Variants in IL1RAPL1 observed in about 807,000 individuals in gnomAD.
The protein encoded by IL1RAPL1 is interleukin 1 receptor accessory protein like 1.
Under a neutral mutation model 48.4 loss-of-function variants are expected in IL1RAPL1, and 3 were observed. The ratio of observed to expected loss-of-function variants is 0.06; its 90% confidence interval spans 0.03 to 0.16. The LOEUF is 0.16. Among genes scored for constraint, IL1RAPL1 ranks in the 10% least tolerant of loss-of-function variants. The pLI, the probability that IL1RAPL1 is intolerant of heterozygous loss-of-function variation, is 1.00. For synonymous variants in IL1RAPL1, 185 were observed against 187.7 expected (o/e 0.99, Z 0.12); for missense variants, 349 against 530.6 (o/e 0.66, Z 3.36).
At chrX:29,047,715 A>G (rs755312662) in intron 2 of IL1RAPL1, among the ~76,000 whole-genome samples, 1 of 88,660 alleles carries the variant, frequency 1.1e-5, no homozygotes, top group African/African-American at 4.7e-5. Context: ...TAACCATTCA[A>G]TATAAATTCA....
intron 3 of IL1RAPL1, among the ~76,000 whole-genome samples, chrX:29,347,159 T>G (rs1933161249): frequency 9.0e-6 from 1 of 110,985 alleles, no homozygotes; most frequent in Non-Finnish European, 1.9e-5. Flanking sequence ...GAACCTGATT[T>G]TGTCAAATGG....
chrX:29,369,057 T>G (rs1411983776), intron 3 of IL1RAPL1: 1 of 112,045 alleles, frequency 8.9e-6, no homozygotes, highest in Non-Finnish European at 1.9e-5. Flanking sequence ...CATAGCTGCC[T>G]GAAGCTACAG....
chrX:29,020,509 G>A (rs1264741291), intron 2 of IL1RAPL1, among the ~76,000 whole-genome samples: 2 of 112,231 alleles, frequency 1.8e-5, no homozygotes, highest in East Asian at 2.8e-4. Flanking sequence ...ATGCCCTGTC[G>A]CATTGTGTAA....
intron 2 of IL1RAPL1, among the ~76,000 whole-genome samples, chrX:29,177,043 C>A (rs895313595): frequency 1.8e-5 from 2 of 111,124 alleles, no homozygotes; most frequent in Admixed American, 9.6e-5. Context: ...AAGGCTGGCC[C>A]CAGAGGAACT....
At chrX:29,581,546 G>A (rs1922960378) in intron 5 of IL1RAPL1, among the ~76,000 whole-genome samples, 1 of 111,983 alleles carries the variant, frequency 8.9e-6, no homozygotes, top group Non-Finnish European at 1.9e-5. Context: ...TATTATTGTT[G>A]AGATTTTTAA....
In IL1RAPL1 at chrX:29,011,308, A is replaced by G. The variant is rs113852904; in HGVS notation, c.82+221883A>G. ...CCAAGAGAAACGAAAGCATATGTCT[A>G]TCCAGAGTTGTACATGAATGAACAT... is the stretch of plus-strand genomic sequence containing the variant. On this transcript the variant is annotated intron_variant, in intron 2 of 10. Transcript: ENST00000378993. Among the ~76,000 whole-genome samples, 761 of 112,431 alleles carry G rather than the reference A, an allele frequency of 6.8e-3. 9 individuals carry two copies. Among genetic ancestry groups the G allele is most frequent in the African/African-American group, 0.023 (725 of 31,013 alleles).
At chrX:29,094,837 TA>T (rs143227525) in intron 2 of IL1RAPL1, among the ~76,000 whole-genome samples, 1,150 of 69,193 alleles carry the variant, frequency 0.017, 28 homozygotes, top group African/African-American at 0.045. Context: ...ACCTAAAAAC[TA>T]AAAAAAAAAA....
At chrX:29,490,681 C>T (rs1935146849) in intron 5 of IL1RAPL1, among the ~76,000 whole-genome samples, 1 of 110,735 alleles carries the variant, frequency 9.0e-6, no homozygotes, top group Admixed American at 9.6e-5. Context: ...TAACCTTTTT[C>T]TTTTATTATT....
intron 5 of IL1RAPL1, among the ~76,000 whole-genome samples, chrX:29,510,092 A>G (rs1465700260): frequency 8.9e-6 from 1 of 112,416 alleles, no homozygotes; most frequent in East Asian, 2.8e-4. Flanking sequence ...GGATTTCTGC[A>G]TATTGGCTTA....
chrX:28,868,540 G>T (rs1922133646), intron 2 of IL1RAPL1, among the ~76,000 whole-genome samples: 1 of 110,452 alleles, frequency 9.1e-6, no homozygotes, highest in Admixed American at 9.7e-5. Context: ...CTTCAACATG[G>T]TACTCCTTGC....
At chrX:29,634,852 A>T (rs777952615) in intron 5 of IL1RAPL1, among the ~76,000 whole-genome samples, 1 of 112,171 alleles carries the variant, frequency 8.9e-6, no homozygotes, top group Non-Finnish European at 1.9e-5. Context: ...GAGTGTACAG[A>T]TAAAACGAAC....
At chrX:29,255,422 CAAAT>C (rs1404227229) in intron 2 of IL1RAPL1, among the ~76,000 whole-genome samples, 2 of 109,826 alleles carry the variant, frequency 1.8e-5, no homozygotes, top group Non-Finnish European at 3.8e-5. Context: ...TAAAATGTCT[CAAAT>C]AAACTCTTAT....
At chrX:29,030,642 A>G (rs1470504762) in intron 2 of IL1RAPL1, among the ~76,000 whole-genome samples, 1 of 111,779 alleles carries the variant, frequency 8.9e-6, no homozygotes, top group Admixed American at 9.5e-5. Context: ...CAAATCTCCT[A>G]TCAGGGAAAT....
In IL1RAPL1 at chrX:29,792,637, C is replaced by T. The variant is rs1361346126; in HGVS notation, c.778+124133C>T. 2.7e-5 allele frequency among the ~76,000 whole-genome samples: 3 copies of T among 111,347 alleles called. No homozygotes were observed. The East Asian group carries it at 8.5e-4, about 32-fold the overall frequency. ...ATCTAAAATACAGGCAGAAGAGCCA[C>T]CTGGAGGGTGGGGACCATTCGGAAA... On this transcript the variant is annotated intron_variant, in intron 6 of 10. Coordinates refer to ENST00000378993, the MANE Select transcript of IL1RAPL1 (RefSeq NM_014271.4).
intron 2 of IL1RAPL1, 98 bp from the exon 3 acceptor site, chrX:29,282,840 C>T (rs1420998281): frequency 6.8e-6 from 6 of 880,532 alleles, no homozygotes; most frequent in African/African-American, 3.9e-5. Context: ...AATATGGATG[C>T]TCAGTAAATA....
chrX:28,739,257 G>A (rs903912681), intron 1 of IL1RAPL1, among the ~76,000 whole-genome samples: 1 of 110,970 alleles, frequency 9.0e-6, no homozygotes, highest in Non-Finnish European at 1.9e-5. Context: ...CAGGTGACAC[G>A]GAGTCTATAT....
At chrX:29,514,119 T>A (rs1040002026) in intron 5 of IL1RAPL1, among the ~76,000 whole-genome samples, 3 of 111,718 alleles carry the variant, frequency 2.7e-5, no homozygotes, top group African/African-American at 9.7e-5. Flanking sequence ...AGAAAAATGA[T>A]AATGATCACC....
At chrX:29,612,094 A>C in intron 5 of IL1RAPL1, among the ~76,000 whole-genome samples, 1 of 111,165 alleles carries the variant, frequency 9.0e-6, no homozygotes, top group Non-Finnish European at 1.9e-5. Flanking sequence ...GCCTGTTCCC[A>C]TTTAGGGCTG....
At chrX:28,938,260 C>A (rs978980493) in intron 2 of IL1RAPL1, among the ~76,000 whole-genome samples, 16 of 111,512 alleles carry the variant, frequency 1.4e-4, no homozygotes, top group African/African-American at 3.9e-4. Context: ...TAACTGACTT[C>A]AAGCTATACA....
Sources: allele counts gnomAD v4.1 joint callset (sites outside exome capture counted in the v4.1 genomes callset), GRCh38; gene constraint gnomAD v4.1.1; transcripts MANE v1.5; gene names NCBI Gene and HGNC (gene_info 2026-07-23, HGNC 2026-07-21).